The following CHRM3 variants were observed in gnomAD, a reference collection of about 807,000 sequenced individuals.
CHRM3 encodes cholinergic receptor muscarinic 3.
Under a neutral mutation model 41.8 loss-of-function variants are expected in CHRM3, and 11 were observed. The observed-to-expected ratio is 0.26, with a 90% confidence interval of 0.17 to 0.44. The LOEUF (loss-of-function observed/expected upper bound fraction) is 0.44, where lower values mean the gene tolerates loss of function less well. Ranked by LOEUF, CHRM3 falls within the 20% of genes least tolerant of loss-of-function variation. CHRM3 has a pLI of 1.00. For synonymous variants in CHRM3, 297 were observed against 301.4 expected (o/e 0.99, Z 0.15); for missense variants, 571 against 745.4 (o/e 0.77, Z 2.72).
intron 1 of CHRM3, among the ~76,000 whole-genome samples, chr1:239,458,001 G>A (rs575777926): frequency 2.0e-5 from 3 of 152,084 alleles, no homozygotes; most frequent in Admixed American, 6.6e-5. Flanking sequence ...CAGTTATGCC[G>A]TACTTGTGTT....
At chr1:239,407,293 T>C (rs2103021255) in intron 1 of CHRM3, among the ~76,000 whole-genome samples, 1 of 152,202 alleles carries the variant, frequency 6.6e-6, no homozygotes, top group Non-Finnish European at 1.5e-5. Flanking sequence ...CTGAATCTGC[T>C]GTCCTTTTCT....
intron 4 of CHRM3, among the ~76,000 whole-genome samples, chr1:239,648,203 T>G (rs941683783): frequency 2.2e-4 from 34 of 152,170 alleles, no homozygotes; most frequent in African/African-American, 7.7e-4. Flanking sequence ...TGTCTCTTCC[T>G]GTTGTTAATC....
chr1:239,475,488 C>G (rs1049972204), intron 1 of CHRM3, among the ~76,000 whole-genome samples: 8 of 151,934 alleles, frequency 5.3e-5, no homozygotes, highest in Non-Finnish European at 1.2e-4. Context: ...TAATACTGCT[C>G]AAAACTTTTG....
intron 6 of CHRM3, among the ~76,000 whole-genome samples, chr1:239,881,317 C>T (rs1156902850): frequency 6.9e-6 from 1 of 144,654 alleles, no homozygotes; most frequent in Admixed American, 6.9e-5. Flanking sequence ...GAATACAATC[C>T]CTGAACCAGA....
chr1:239,584,633 T>A (rs903958594), intron 3 of CHRM3, among the ~76,000 whole-genome samples: 1 of 152,168 alleles, frequency 6.6e-6, no homozygotes, highest in Non-Finnish European at 1.5e-5. Flanking sequence ...ACAGATGAAT[T>A]CTTTAGGAGC....
intron 5 of CHRM3, among the ~76,000 whole-genome samples, chr1:239,713,645 T>A (rs532392441): frequency 6.6e-6 from 1 of 152,288 alleles, no homozygotes; most frequent in African/African-American, 2.4e-5. Flanking sequence ...CCATCACAGA[T>A]CTCCATGGAC....
At chr1:239,570,084 T>A (rs1305685967) in intron 3 of CHRM3, among the ~76,000 whole-genome samples, 5 of 152,288 alleles carry the variant, frequency 3.3e-5, no homozygotes, top group Non-Finnish European at 7.4e-5. Flanking sequence ...CCAAATCTCA[T>A]CTCAAATTGT....
chr1:239,513,664 G>T (rs377678687), intron 2 of CHRM3, among the ~76,000 whole-genome samples: 2 of 152,118 alleles, frequency 1.3e-5, no homozygotes, highest in East Asian at 3.9e-4. Context: ...TTCTTTTATG[G>T]ATCACGTCTT....
At chr1:239,902,168 A>T (rs10926011) in intron 6 of CHRM3, among the ~76,000 whole-genome samples, 10 of 151,862 alleles carry the variant, frequency 6.6e-5, no homozygotes, top group Admixed American at 4.6e-4. Context: ...TGTGTTTCTA[A>T]AGTAACAACA....
At chr1:239,810,367 G>A (rs1050082868) in intron 5 of CHRM3, among the ~76,000 whole-genome samples, 2 of 152,176 alleles carry the variant, frequency 1.3e-5, no homozygotes, top group Non-Finnish European at 2.9e-5. Flanking sequence ...GTCACAGCCT[G>A]TAGTTTCCCC....
In CHRM3 at chr1:239,662,893, C is replaced by CTTCTTCT. The variant is rs1553356875; in HGVS notation, c.-249-15292_-249-15291insTCTTCTT. On this transcript the variant is annotated intron_variant, in intron 4 of 6. Transcript: ENST00000676153. ...TCTCCTCTTTCTCCTCTTCCTCCTC[C>CTTCTTCT]TCTTCTTCTTCTTCTTCTTCTTCTT... is the stretch of plus-strand genomic sequence containing the variant. 1.6e-3 allele frequency among the ~76,000 whole-genome samples: 76 copies of CTTCTTCT among 46,394 alleles called. 1 individual carries two copies. Among genetic ancestry groups the CTTCTTCT allele is most frequent in the African/African-American group, 6.0e-3 (76 of 12,718 alleles). 30.4% of individuals were successfully genotyped at this position (46,394 alleles called of 152,430 possible).
rs775195839 is a variant in CHRM3 at position 239,908,177 on chromosome 1, G to A, written c.726G>A (p.Met242Ile). 1 of 1,614,106 alleles carries A rather than the reference G, an allele frequency of 6.2e-7. No individual in the cohort carries two copies. Among genetic ancestry groups the A allele is most frequent in the South Asian group, 1.1e-5 (1 of 91,084 alleles). Residue 242 changes from methionine to isoleucine, a missense_variant, in exon 7 of 7, where the codon ATG becomes ATA. Transcript: ENST00000676153. This position sits in a 1 kb window ranked among gnomAD's most constrained non-coding sequence, Gnocchi z 7.2. Reference protein sequence around the residue: ...TFGTAIAAFYMPVTIMTILYW... With the variant: ...TFGTAIAAFYIPVTIMTILYW... ...GCACAGCCATCGCTGCTTTTTATAT[G>A]CCTGTCACCATTATGACTATTTTAT...
At chr1:239,391,639 A>G (rs924577827) in intron 1 of CHRM3, among the ~76,000 whole-genome samples, 6 of 152,140 alleles carry the variant, frequency 3.9e-5, no homozygotes, top group Admixed American at 6.5e-5. Context: ...GCAGCTTGCC[A>G]CATTGACACA....
At position 239,428,287 on chromosome 1, in the gene CHRM3, A is replaced by G. The variant is rs751252112; in HGVS notation, c.-521+41060A>G. Among the ~76,000 whole-genome samples, 69 of 152,194 alleles carry G rather than the reference A, an allele frequency of 4.5e-4. 1 individual carries two copies. Among genetic ancestry groups the G allele is most frequent in the Non-Finnish European group, 7.9e-4 (54 of 68,028 alleles). On this transcript the variant is annotated intron_variant, in intron 1 of 6. Transcript: ENST00000676153. ...CAAGAGCAAGAGTTTGGTATTCTCC[A>G]TTTCAGATACAGTGGTGGATTATTT...
chr1:239,782,054 C>A (rs1002413945), intron 5 of CHRM3, among the ~76,000 whole-genome samples: 1 of 151,976 alleles, frequency 6.6e-6, no homozygotes, highest in African/African-American at 2.4e-5. Context: ...TGTTCTTAAG[C>A]AATACTGGTC....
Position 239,913,430 on chromosome 1 carries a change from T to G in CHRM3, c.*4206T>G, listed in dbSNP as rs1164890583. The G allele has an allele frequency of 1.2e-5, 2 of 167,170 alleles. No homozygotes were observed. The highest frequency in any genetic ancestry group is 2.4e-5 in the African/African-American group (1 of 41,580). The allele number at this position is 167,170 out of a possible 1,614,324, so 10.4% of individuals were successfully genotyped here. A position where few individuals can be genotyped will look rare whatever the true frequency, so the allele number is the denominator to read the frequency against. ...TGCTCCAATACCACGTGCAACAAAC[T>G]TATTTAGACAGTATCAACTCTAGCC... is the stretch of plus-strand genomic sequence containing the variant. On this transcript the variant is annotated 3_prime_UTR_variant, in exon 7 of 7. Coordinates refer to ENST00000676153, the MANE Select transcript of CHRM3 (RefSeq NM_001375978.1).
intron 4 of CHRM3, among the ~76,000 whole-genome samples, chr1:239,662,893 CTCTTCTTCTTCT>C (rs67465048): frequency 1.9e-4 from 9 of 46,400 alleles, no homozygotes; most frequent in South Asian, 6.8e-4. Context: ...CTTCCTCCTC[CTCTTCTTCTTCT>C]TCTTCTTCTT....
At chr1:239,784,271 G>A (rs1668725018) in intron 5 of CHRM3, among the ~76,000 whole-genome samples, 1 of 152,060 alleles carries the variant, frequency 6.6e-6, no homozygotes, top group Non-Finnish European at 1.5e-5. Flanking sequence ...ATTAGCATTA[G>A]CTGTTGTTTT....
At chr1:239,790,550 C>T (rs951386161) in intron 5 of CHRM3, among the ~76,000 whole-genome samples, 2 of 152,164 alleles carry the variant, frequency 1.3e-5, no homozygotes, top group South Asian at 2.1e-4. Flanking sequence ...TGTGAGGCCT[C>T]CCCAGCCATG....
Sources: allele counts gnomAD v4.1 joint callset (sites outside exome capture counted in the v4.1 genomes callset), GRCh38; gene constraint gnomAD v4.1.1; non-coding constraint Gnocchi (gnomAD v3.1); transcripts MANE v1.5; gene names NCBI Gene and HGNC (gene_info 2026-07-23, HGNC 2026-07-21).